Variants in SORCS3 observed in about 807,000 individuals in gnomAD.
SORCS3 encodes the protein VPS10 domain-containing receptor SorCS3.
In SORCS3, 57 loss-of-function variants were observed where a neutral mutation model predicts 146.3. That is an observed-to-expected ratio of 0.39 (90% confidence interval 0.31 to 0.49). SORCS3 has a LOEUF of 0.49. Ranked by LOEUF, SORCS3 falls within the 20% of genes least tolerant of loss-of-function variation. The pLI is 0.92. For synonymous variants in SORCS3, 653 were observed against 618.5 expected (o/e 1.06, Z -0.83); for missense variants, 1,341 against 1,575.5 (o/e 0.85, Z 2.52).
intron 1 of SORCS3, among the ~76,000 whole-genome samples, chr10:104,796,186 G>T (rs2133504344): frequency 6.6e-6 from 1 of 152,348 alleles, no homozygotes; most frequent in South Asian, 2.1e-4. Flanking sequence ...GGGCCTGGGA[G>T]TTCCATAGTT....
At chr10:104,846,501 A>G (rs2018206528) in intron 2 of SORCS3, among the ~76,000 whole-genome samples, 1 of 152,198 alleles carries the variant, frequency 6.6e-6, no homozygotes, top group African/African-American at 2.4e-5. Context: ...GAAGCCTGGA[A>G]CAGCAGCTGT....
Position 104,868,652 on chromosome 10 carries a change from GC to G in SORCS3, c.695+25796del, listed in dbSNP as rs376503461. On this transcript the variant is annotated intron_variant, in intron 2 of 26. Coordinates refer to ENST00000369701, the MANE Select transcript of SORCS3 (RefSeq NM_014978.3). The stretch of plus-strand genomic sequence containing the variant: ...CTATGTTTGATATTCAGCAGGCTCA[GC>G]CCTGTGACTATAGGAGATAAGGGCT... Among the ~76,000 whole-genome samples, 517 of 152,318 alleles carry G rather than the reference GC, an allele frequency of 3.4e-3. 2 individuals are homozygous for G. The highest frequency in any genetic ancestry group is 5.3e-3 in the Non-Finnish European group (363 of 68,026).
chr10:104,926,019 A>G (rs1246713110), intron 3 of SORCS3, among the ~76,000 whole-genome samples: 3 of 152,246 alleles, frequency 2.0e-5, no homozygotes, highest in African/African-American at 7.2e-5. Context: ...AGCTGGCATC[A>G]AGATTGCAGA....
chr10:104,982,716 T>C (rs1282056836), intron 4 of SORCS3, among the ~76,000 whole-genome samples: 1 of 152,220 alleles, frequency 6.6e-6, no homozygotes, highest in Non-Finnish European at 1.5e-5. Context: ...AGGTGTGCTA[T>C]CTTCATCACC....
chr10:104,900,619 G>A (rs567942868), intron 2 of SORCS3, among the ~76,000 whole-genome samples: 303 of 152,110 alleles, frequency 2.0e-3, no homozygotes, highest in Non-Finnish European at 3.7e-3. Context: ...GGCCTGGTGC[G>A]GACGCTCACG....
At chr10:105,217,452 C>T (rs1458014298) in intron 19 of SORCS3, among the ~76,000 whole-genome samples, 1 of 152,172 alleles carries the variant, frequency 6.6e-6, no homozygotes, top group Non-Finnish European at 1.5e-5. Context: ...AAGATAGAAA[C>T]AAGCCTTCTG....
intron 5 of SORCS3, among the ~76,000 whole-genome samples, chr10:105,072,471 C>T (rs1449206858): frequency 6.6e-6 from 1 of 152,110 alleles, no homozygotes; most frequent in Non-Finnish European, 1.5e-5. Context: ...CCCTGAGCAG[C>T]CCTTCCCAGG....
intron 1 of SORCS3, among the ~76,000 whole-genome samples, chr10:104,681,740 C>A (rs1488264799): frequency 6.6e-6 from 1 of 152,160 alleles, no homozygotes; most frequent in African/African-American, 2.4e-5. Context: ...TTCTCCAATA[C>A]CCCAGTAAAG....
intron 4 of SORCS3, among the ~76,000 whole-genome samples, chr10:104,988,383 C>T (rs1427197781): frequency 6.6e-6 from 1 of 152,182 alleles, no homozygotes; most frequent in Non-Finnish European, 1.5e-5. Flanking sequence ...GCATATTTCT[C>T]AGCTGGTGGC....
chr10:104,671,176 G>T (rs541335225), intron 1 of SORCS3, among the ~76,000 whole-genome samples: 1 of 150,168 alleles, frequency 6.7e-6, no homozygotes, highest in East Asian at 2.0e-4. Context: ...TTTCAGTACT[G>T]TGTTGAACAG....
At chr10:104,986,448 T>A (rs2054962763) in intron 4 of SORCS3, among the ~76,000 whole-genome samples, 2 of 152,224 alleles carry the variant, frequency 1.3e-5, no homozygotes, top group Non-Finnish European at 2.9e-5. Context: ...TTTAATTTTC[T>A]TATCATTTGT....
At chr10:104,709,741 T>C (rs2016390096) in intron 1 of SORCS3, among the ~76,000 whole-genome samples, 2 of 152,186 alleles carry the variant, frequency 1.3e-5, no homozygotes, top group South Asian at 4.1e-4. Context: ...CTGTGCTAAA[T>C]TGCAGGACTC....
intron 1 of SORCS3, among the ~76,000 whole-genome samples, chr10:104,687,738 G>A (rs1370626660): frequency 1.3e-5 from 2 of 152,154 alleles, no homozygotes; most frequent in African/African-American, 4.8e-5. Context: ...GGAGCGGAGG[G>A]CTGGAAGGCA....
chr10:104,822,119 C>G (rs1285639882), intron 1 of SORCS3: 1 of 518,326 alleles, frequency 1.9e-6, no homozygotes, highest in Non-Finnish European at 3.9e-6. Flanking sequence ...TCTTATTTCT[C>G]TAGATCAGGA....
chr10:105,234,099 A>G (rs1385574933), intron 20 of SORCS3, among the ~76,000 whole-genome samples: 1 of 152,114 alleles, frequency 6.6e-6, no homozygotes, highest in Non-Finnish European at 1.5e-5. Flanking sequence ...TTTGTTTGAG[A>G]AAACATTCTT....
intron 4 of SORCS3, among the ~76,000 whole-genome samples, chr10:105,042,843 A>T (rs1301500448): frequency 6.6e-6 from 1 of 152,138 alleles, no homozygotes; most frequent in Non-Finnish European, 1.5e-5. Flanking sequence ...TCTCCTCAAA[A>T]GTATCAGTTG....
At chr10:105,189,292 G>A (rs67010465) in intron 14 of SORCS3, among the ~76,000 whole-genome samples, 50,529 of 152,000 alleles carry the variant, frequency 0.33, 8,521 homozygotes, top group South Asian at 0.48. Context: ...TCTCTGGATA[G>A]GAGTAGGCTC....
intron 1 of SORCS3, among the ~76,000 whole-genome samples, chr10:104,674,787 T>C (rs2015895335): frequency 6.6e-6 from 1 of 152,246 alleles, no homozygotes. Flanking sequence ...TTTTTTCAAT[T>C]AACATTATGT....
chr10:105,185,940 G>A (rs753103071), intron 14 of SORCS3, among the ~76,000 whole-genome samples: 21 of 152,092 alleles, frequency 1.4e-4, no homozygotes, highest in Non-Finnish European at 2.5e-4. Context: ...TTATCTATCT[G>A]GGGTCATATC....
Sources: allele counts gnomAD v4.1 joint callset (sites outside exome capture counted in the v4.1 genomes callset), GRCh38; gene constraint gnomAD v4.1.1; transcripts MANE v1.5; gene names NCBI Gene and HGNC (gene_info 2026-07-23, HGNC 2026-07-21).